ARHGAP15: variants seen among roughly 807,000 people sequenced by gnomAD.
ARHGAP15 encodes the protein rho GTPase-activating protein 15.
In ARHGAP15, 51 loss-of-function variants were observed where a neutral mutation model predicts 63.7. That is an observed-to-expected ratio of 0.80 (90% CI 0.64 to 1.01). The LOEUF is 1.01. Ranked by LOEUF, ARHGAP15 falls within the 50% of genes least tolerant of loss-of-function variation. The pLI is 0.00. For missense variants in ARHGAP15, 560 were observed against 564.6 expected, an observed-to-expected ratio of 0.99 and a Z score of 0.08; for synonymous variants, 191 against 193.8, an observed-to-expected ratio of 0.99 and a Z score of 0.12.
chr2:143,156,295 T>C (rs1335321541), intron 2 of ARHGAP15, among the ~76,000 whole-genome samples: 1 of 151,922 alleles, frequency 6.6e-6, no homozygotes, highest in African/African-American at 2.4e-5. Flanking sequence ...AACCCACTGA[T>C]TGCGATGAGT....
chr2:143,132,604 C>A (rs749210650), intron 1 of ARHGAP15, among the ~76,000 whole-genome samples: 9 of 152,210 alleles, frequency 5.9e-5, no homozygotes, highest in Non-Finnish European at 1.3e-4. Context: ...AGACAGCATG[C>A]GTGACCATGC....
chr2:143,267,436 T>A (rs1368651275), intron 6 of ARHGAP15, among the ~76,000 whole-genome samples: 2 of 152,194 alleles, frequency 1.3e-5, no homozygotes, highest in Admixed American at 1.3e-4. Flanking sequence ...GATTCATATC[T>A]ATTTTTAAAA....
chr2:143,725,249 C>T (rs1311458047), intron 13 of ARHGAP15, among the ~76,000 whole-genome samples: 3 of 152,160 alleles, frequency 2.0e-5, no homozygotes, highest in Non-Finnish European at 4.4e-5. Flanking sequence ...AAGGACACAG[C>T]AGTCAATCTT....
chr2:143,657,306 C>T (rs1681504001), intron 12 of ARHGAP15, among the ~76,000 whole-genome samples: 1 of 152,190 alleles, frequency 6.6e-6, no homozygotes, highest in Non-Finnish European at 1.5e-5. Context: ...GAGATCGCGC[C>T]ACTGCACTCC....
At chr2:143,385,184 A>G (rs1201202284) in intron 6 of ARHGAP15, among the ~76,000 whole-genome samples, 1 of 152,138 alleles carries the variant, frequency 6.6e-6, no homozygotes, top group Non-Finnish European at 1.5e-5. Flanking sequence ...AGAGTAAAGG[A>G]GTGTCTGCCT....
In ARHGAP15 at chr2:143,758,922, T is replaced by A. The variant is rs541503601; in HGVS notation, c.1245-9067T>A. Among the ~76,000 whole-genome samples the A allele has an allele frequency of 3.4e-4, 52 of 152,282 alleles. No homozygotes were observed. In the East Asian group the frequency reaches 4.1e-3, roughly 12 times the overall value. On this transcript the variant is annotated intron_variant, in intron 13 of 13. Transcript: ENST00000295095. The stretch of plus-strand genomic sequence containing the variant: ...AACCTGCCTTTTAATACCTTCCAAA[T>A]TATCTTCATGAAGGGTAAAGTTTGA...
intron 1 of ARHGAP15, among the ~76,000 whole-genome samples, chr2:143,149,898 T>G (rs1288106036): frequency 6.6e-6 from 1 of 152,092 alleles, no homozygotes; most frequent in Non-Finnish European, 1.5e-5. Flanking sequence ...TATAAATGAT[T>G]AAACAGAAAG....
intron 6 of ARHGAP15, among the ~76,000 whole-genome samples, chr2:143,294,364 G>A (rs1682540681): frequency 6.6e-6 from 1 of 152,072 alleles, no homozygotes; most frequent in South Asian, 2.1e-4. Flanking sequence ...AAACATACTA[G>A]TTAGGATAAT....
chr2:143,495,511 A>C (rs1051645679), intron 9 of ARHGAP15, among the ~76,000 whole-genome samples: 1 of 152,198 alleles, frequency 6.6e-6, no homozygotes, highest in Non-Finnish European at 1.5e-5. Flanking sequence ...TGGAACATTT[A>C]AGTAATTACC....
chr2:143,340,713 TCAC>T (rs1685021966), intron 6 of ARHGAP15, among the ~76,000 whole-genome samples: 1 of 152,084 alleles, frequency 6.6e-6, no homozygotes, highest in Non-Finnish European at 1.5e-5. Context: ...ACCAATAGGC[TCAC>T]TTTTCTGAAA....
At chr2:143,675,287 C>T (rs1205356172) in intron 12 of ARHGAP15, among the ~76,000 whole-genome samples, 5 of 152,188 alleles carry the variant, frequency 3.3e-5, no homozygotes, top group African/African-American at 1.2e-4. Context: ...ACTTCCTCCA[C>T]TGAAGTCTTA....
At chr2:143,538,167 T>C (rs1226686919) in intron 10 of ARHGAP15, among the ~76,000 whole-genome samples, 2 of 152,164 alleles carry the variant, frequency 1.3e-5, no homozygotes, top group Non-Finnish European at 2.9e-5. Flanking sequence ...CACTCATGAT[T>C]TGGCTCTCTG....
chr2:143,426,729 G>A (rs1359793812), intron 6 of ARHGAP15, among the ~76,000 whole-genome samples: 1 of 152,178 alleles, frequency 6.6e-6, no homozygotes, highest in African/African-American at 2.4e-5. Context: ...CAAGATCACA[G>A]AGAATCTATG....
At chr2:143,162,164 C>A (rs1690322599) in intron 2 of ARHGAP15, 1 of 151,976 alleles carries the variant, frequency 6.6e-6, no homozygotes, top group Non-Finnish European at 1.5e-5. Context: ...CTGACAGAGG[C>A]ATCCAGTGAG....
chr2:143,137,791 C>G (rs1358302362), intron 1 of ARHGAP15, among the ~76,000 whole-genome samples: 1 of 151,978 alleles, frequency 6.6e-6, no homozygotes, highest in African/African-American at 2.4e-5. Flanking sequence ...GATGCTGAGT[C>G]AAGGGAAACT....
chr2:143,189,438 T>C lies in ARHGAP15; in HGVS notation c.166-12696T>C, dbSNP rs149105230. On this transcript the variant is annotated intron_variant, in intron 2 of 13. Transcript: ENST00000295095. Reference sequence around the variant, plus strand: ...CCAGCTATTAAAAAAAAATTGTTCTTTTGGATTTTTCTATTAGGTAGATGT... The same window carrying C: ...CCAGCTATTAAAAAAAAATTGTTCTCTTGGATTTTTCTATTAGGTAGATGT... Among the ~76,000 whole-genome samples the C allele has an allele frequency of 9.3e-4, 142 of 152,268 alleles. 1 individual carries two copies. Among genetic ancestry groups the C allele is most frequent in the African/African-American group, 3.3e-3 (139 of 41,572 alleles).
At chr2:143,188,021 A>G (rs1028728941) in intron 2 of ARHGAP15, among the ~76,000 whole-genome samples, 1 of 152,274 alleles carries the variant, frequency 6.6e-6, no homozygotes, top group African/African-American at 2.4e-5. Flanking sequence ...CCCTTCCTAG[A>G]GGCAACTGCC....
In ARHGAP15 at chr2:143,410,182, A is replaced by G. The variant is rs562191921; in HGVS notation, c.475-25419A>G. 1.4e-4 allele frequency among the ~76,000 whole-genome samples: 21 copies of G among 152,270 alleles called. No individual in the cohort carries two copies. In the South Asian group the frequency reaches 4.1e-3, roughly 30 times the overall value. On this transcript the variant is annotated intron_variant, in intron 6 of 13. Coordinates refer to ENST00000295095, the MANE Select transcript of ARHGAP15 (RefSeq NM_018460.4). ...TTATTATACCAACATATTAAAAGTA[A>G]TGGTGAATTCCATTATAAAATGGTA... is the stretch of plus-strand genomic sequence containing the variant.
At chr2:143,371,568 TCA>T (rs1268948091) in intron 6 of ARHGAP15, among the ~76,000 whole-genome samples, 1 of 152,212 alleles carries the variant, frequency 6.6e-6, no homozygotes, top group Non-Finnish European at 1.5e-5. Context: ...ACATACAGAT[TCA>T]GTTTCATCTG....
Sources: gnomAD v4.1 joint callset for allele counts (sites outside exome capture counted in the v4.1 genomes callset) on GRCh38, gnomAD v4.1.1 for gene constraint, MANE v1.5 for transcripts, NCBI Gene and HGNC (gene_info 2026-07-23, HGNC 2026-07-21) for gene names.